PPP2R1B: variants seen among roughly 807,000 people sequenced by gnomAD.
The protein encoded by PPP2R1B is protein phosphatase 2 scaffold subunit Abeta.
In PPP2R1B, 58 loss-of-function variants were observed where a neutral mutation model predicts 72.7. The ratio of observed to expected loss-of-function variants is 0.80; its 90% CI spans 0.65 to 0.99. The LOEUF is 0.99. Ranked by LOEUF, PPP2R1B falls within the 50% of genes least tolerant of loss-of-function variation. The pLI is 0.00. For synonymous variants in PPP2R1B, 256 were observed against 264.6 expected (o/e 0.97, Z 0.32); for missense variants, 695 against 733.6 (o/e 0.95, Z 0.61).
the PPP2R1B span, among the ~76,000 whole-genome samples, chr11:111,718,075 T>C: frequency 3.3e-5 from 5 of 151,962 alleles, no homozygotes; most frequent in South Asian, 1.0e-3. Context: ...AACTTAAAAA[T>C]TGAAGAAAAA....
At chr11:111,695,130 T>C in the PPP2R1B span, among the ~76,000 whole-genome samples, 2 of 152,236 alleles carry the variant, frequency 1.3e-5, no homozygotes, top group Non-Finnish European at 2.9e-5. Context: ...TTTGTCAGCT[T>C]TCATTTCCTC....
At chr11:111,701,409 G>A in the PPP2R1B span, 2 of 1,594,940 alleles carry the variant, frequency 1.3e-6, no homozygotes, top group Non-Finnish European at 1.7e-6. The surrounding 1 kb of genome is among the most constrained non-coding windows in gnomAD (Gnocchi z 4.2). Flanking sequence ...AAGAGTGTTT[G>A]ACGTTCTTGG....
chr11:111,765,932 C>T, intron 1 of PPP2R1B: 2 of 525,364 alleles, frequency 3.8e-6, no homozygotes, highest in Admixed American at 2.3e-5. Context: ...CTCCCTCGCC[C>T]AAGAGACGCG....
At chr11:111,760,025 G>C in intron 4 of PPP2R1B, 74 bp from the exon 5 acceptor site, 1 of 1,450,632 alleles carries the variant, frequency 6.9e-7, no homozygotes, top group Non-Finnish European at 9.4e-7. Context: ...CACACAGACA[G>C]ACTTTTAGAG....
the PPP2R1B span, among the ~76,000 whole-genome samples, chr11:111,708,401 A>T: frequency 2.6e-5 from 4 of 152,170 alleles, no homozygotes; most frequent in South Asian, 4.1e-4. Flanking sequence ...AACATAAAAA[A>T]AAATAAATAA....
chr11:111,754,378 C>T (rs1723372498), intron 8 of PPP2R1B, 121 bp downstream of exon 8: 5 of 1,324,334 alleles, frequency 3.8e-6, no homozygotes, highest in Non-Finnish European at 5.1e-6. Context: ...ACATCTTCCC[C>T]ATTCATTCCC....
At chr11:111,728,711 G>A (rs891523494) in intron 15 of PPP2R1B, 2 of 152,178 alleles carry the variant, frequency 1.3e-5, no homozygotes, top group Admixed American at 6.5e-5. Context: ...GGCGGATCAC[G>A]AGGTCAGGAG....
chr11:111,742,884 G>GTT lies in PPP2R1B; in HGVS notation c.1555-221_1555-220dup, dbSNP rs138892437. 1.2e-3 allele frequency among the ~76,000 whole-genome samples: 172 copies of GTT among 142,388 alleles called. 1 individual carries two copies. Among genetic ancestry groups the GTT allele is most frequent in the African/African-American group, 4.2e-3 (165 of 39,092 alleles). 93.4% of individuals were successfully genotyped at this position (142,388 alleles called of 152,430 possible). Reference sequence around the variant, plus strand: ...TTAAAATACTGTAGTTTTGTTCTTTGTTTTTTTTTTTTTCAGGCGGAGTTT... The same window carrying GTT: ...TTAAAATACTGTAGTTTTGTTCTTTGTTTTTTTTTTTTTTTCAGGCGGAGTTT... On this transcript the variant is annotated intron_variant, in intron 12 of 14. Transcript: ENST00000527614.
At chr11:111,765,588 A>G (rs1028741084) in intron 1 of PPP2R1B, among the ~76,000 whole-genome samples, 1 of 152,220 alleles carries the variant, frequency 6.6e-6, no homozygotes, top group African/African-American at 2.4e-5. Context: ...AGGATTTCCC[A>G]GGAGAAACAC....
chr11:111,712,565 A>G, the PPP2R1B span, among the ~76,000 whole-genome samples: 1 of 152,330 alleles, frequency 6.6e-6, no homozygotes, highest in South Asian at 2.1e-4. Flanking sequence ...CATTATGACC[A>G]GTATGACCAT....
At chr11:111,744,771 A>G (rs930477992) in intron 11 of PPP2R1B, among the ~76,000 whole-genome samples, 2 of 152,212 alleles carry the variant, frequency 1.3e-5, no homozygotes, top group African/African-American at 4.8e-5. Flanking sequence ...AACTTCTTCT[A>G]TTCATAGATC....
Position 111,738,970 on chromosome 11 carries a change from A to G in PPP2R1B, c.*2626T>C. ...AAACAAACAACTGATGTAAGCTGCC[A>G]AGGATGAAAAACAACATTACATGTC... On this transcript the variant is annotated 3_prime_UTR_variant, in exon 15 of 15. Coordinates refer to ENST00000527614, the MANE Select transcript of PPP2R1B (RefSeq NM_002716.5). 2 of 985,148 alleles carry G rather than the reference A, an allele frequency of 2.0e-6. No homozygotes were observed. Among genetic ancestry groups the G allele is most frequent in the Non-Finnish European group, 2.4e-6 (2 of 830,092 alleles). The allele number at this position is 985,148 out of a possible 1,614,324, so 61.0% of individuals were successfully genotyped here.
chr11:111,738,249 T>A lies in PPP2R1B; in HGVS notation c.*3347A>T. ...CCTCTACAGTTTCATATCCAAGCAGTGGAGAAAAATAAGAAGCTTTACGAT... is the reference window on the plus strand; with the variant it reads ...CCTCTACAGTTTCATATCCAAGCAGAGGAGAAAAATAAGAAGCTTTACGAT... On this transcript the variant is annotated 3_prime_UTR_variant, in exon 15 of 15. Transcript: ENST00000527614. The A allele has an allele frequency of 1.0e-6, 1 of 985,306 alleles. No homozygotes were observed. The highest frequency in any genetic ancestry group is 1.2e-6 in the Non-Finnish European group (1 of 829,964). The allele number at this position is 985,306 out of a possible 1,614,324, so 61.0% of individuals were successfully genotyped here.
At chr11:111,751,126 A>G (rs1381593567) in intron 10 of PPP2R1B, among the ~76,000 whole-genome samples, 1 of 152,138 alleles carries the variant, frequency 6.6e-6, no homozygotes, top group African/African-American at 2.4e-5. Flanking sequence ...GGTGTCAGCC[A>G]CTGTGCCCGG....
the PPP2R1B span, chr11:111,703,078 G>A: frequency 1.3e-6 from 1 of 755,286 alleles, no homozygotes; most frequent in Non-Finnish European, 2.1e-6. Context: ...TTATTCATTT[G>A]ACCTTCTGCT....
chr11:111,741,535 A>G lies in PPP2R1B; in HGVS notation c.*61T>C, dbSNP rs1565434873. 6.2e-7 allele frequency: 1 copy of G among 1,602,364 alleles called. No individual in the cohort carries two copies. Among genetic ancestry groups the G allele is most frequent in the East Asian group, 2.2e-5 (1 of 44,762 alleles). ...CCATTCTTTCTCCACCCAGTTAAGA[A>G]CACATTGACTAGAAATTTGTGACAA... is the stretch of plus-strand genomic sequence containing the variant. On this transcript the variant is annotated 3_prime_UTR_variant, in exon 15 of 15. Coordinates refer to ENST00000527614, the MANE Select transcript of PPP2R1B (RefSeq NM_002716.5).
At chr11:111,701,628 T>A in the PPP2R1B span, 5 of 1,582,912 alleles carry the variant, frequency 3.2e-6, no homozygotes, top group Non-Finnish European at 4.3e-6. This position sits in a 1 kb window ranked among gnomAD's most constrained non-coding sequence, Gnocchi z 4.2. Flanking sequence ...GTGCTCCAAG[T>A]GAAATGCCTA....
At chr11:111,757,095 C>T (rs535870374) in intron 5 of PPP2R1B, among the ~76,000 whole-genome samples, 1 of 142,130 alleles carries the variant, frequency 7.0e-6, no homozygotes, top group African/African-American at 2.6e-5. Context: ...GCCTGGGTGA[C>T]AGAGCAAAAC....
chr11:111,763,594 A>G (rs1342913992), intron 3 of PPP2R1B, among the ~76,000 whole-genome samples: 1 of 152,196 alleles, frequency 6.6e-6, no homozygotes, highest in Non-Finnish European at 1.5e-5. Context: ...TATTTGAAAT[A>G]TACGTAGACT....
Sources: allele counts gnomAD v4.1 joint callset (sites outside exome capture counted in the v4.1 genomes callset), GRCh38; gene constraint gnomAD v4.1.1; non-coding constraint Gnocchi (gnomAD v3.1); transcripts MANE v1.5; gene names NCBI Gene and HGNC (gene_info 2026-07-23, HGNC 2026-07-21).